FUT8: variants seen among roughly 807,000 people sequenced by gnomAD.
FUT8 encodes the protein fucosyltransferase 8.
In FUT8, 29 loss-of-function variants were observed where a neutral mutation model predicts 71.3. The ratio of observed to expected loss-of-function variants is 0.41; its 90% CI spans 0.30 to 0.55. The LOEUF is 0.55. Ranked by LOEUF, FUT8 falls within the 20% of genes least tolerant of loss-of-function variation. The pLI, the probability that FUT8 is intolerant of heterozygous loss-of-function variation, is 0.34. For missense variants in FUT8, 544 were observed against 702.1 expected (o/e 0.77, Z 2.55); for synonymous variants, 254 against 239.3 (o/e 1.06, Z -0.57).
intron 5 of FUT8, among the ~76,000 whole-genome samples, chr14:65,618,012 TA>T: frequency 4.3e-5 from 1 of 23,466 alleles, no homozygotes; most frequent in Non-Finnish European, 6.4e-5. Context: ...AATTAATTCA[TA>T]TATATATATA....
Position 65,702,386 on chromosome 14 carries a change from A to G in FUT8, c.836-19389A>G, listed in dbSNP as rs556180662. On this transcript the variant is annotated intron_variant, in intron 7 of 10. Transcript: ENST00000673929. ...GGGAACAAGAAAGTACCTCATCACA[A>G]CTTTGCGGATTAATTGAGATAATGC... Among the ~76,000 whole-genome samples the G allele has an allele frequency of 3.3e-5, 5 of 152,122 alleles. No homozygotes were observed. The South Asian group carries it at 1.0e-3, about 32-fold the overall frequency.
intron 2 of FUT8, among the ~76,000 whole-genome samples, chr14:65,517,625 G>A (rs147102644): frequency 1.3e-5 from 2 of 152,230 alleles, no homozygotes; most frequent in East Asian, 3.9e-4. Flanking sequence ...ATATCAACAT[G>A]GAAATTAGAT....
chr14:65,629,070 G>A (rs1270071120), intron 5 of FUT8, among the ~76,000 whole-genome samples: 1 of 152,156 alleles, frequency 6.6e-6, no homozygotes, highest in African/African-American at 2.4e-5. Flanking sequence ...GTCACTCAGA[G>A]TGTTTAAATA....
the FUT8 span, among the ~76,000 whole-genome samples, chr14:65,362,986 G>A: frequency 4.7e-5 from 6 of 128,100 alleles, no homozygotes; most frequent in Admixed American, 8.3e-5. Context: ...AAAAAAAAGA[G>A]AAGAAATTCT....
chr14:65,640,748 C>T (rs995359898), intron 6 of FUT8, among the ~76,000 whole-genome samples: 4 of 151,152 alleles, frequency 2.6e-5, no homozygotes, highest in African/African-American at 9.8e-5. Flanking sequence ...ACTAAGAGAA[C>T]TGATATATTA....
chr14:65,457,987 C>T (rs1256842320), intron 2 of FUT8: 1 of 151,946 alleles, frequency 6.6e-6, no homozygotes, highest in Admixed American at 6.6e-5. Flanking sequence ...TCGAGACCAT[C>T]CCGGCTAAAA....
chr14:65,464,986 A>G (rs1455646476), intron 2 of FUT8, among the ~76,000 whole-genome samples: 1 of 152,190 alleles, frequency 6.6e-6, no homozygotes, highest in African/African-American at 2.4e-5. Context: ...TTAATTATTT[A>G]TTCAGGTTTT....
intron 3 of FUT8, among the ~76,000 whole-genome samples, chr14:65,614,173 A>T (rs1176643185): frequency 6.6e-6 from 1 of 152,122 alleles, no homozygotes; most frequent in African/African-American, 2.4e-5. Context: ...TATAATTTAA[A>T]ACTTAAGTTC....
At chr14:65,513,559 T>C (rs377262061) in intron 2 of FUT8, among the ~76,000 whole-genome samples, 1 of 152,212 alleles carries the variant, frequency 6.6e-6, no homozygotes, top group African/African-American at 2.4e-5. Flanking sequence ...AACATAGATA[T>C]GATTTTCTCA....
At chr14:65,573,701 TC>T (rs1338373955) in intron 3 of FUT8, among the ~76,000 whole-genome samples, 1 of 148,170 alleles carries the variant, frequency 6.7e-6, no homozygotes, top group Non-Finnish European at 1.5e-5. Flanking sequence ...GCCACTGTAC[TC>T]CAGCCTGGGC....
chr14:65,368,929 G>T, the FUT8 span, among the ~76,000 whole-genome samples: 2 of 152,126 alleles, frequency 1.3e-5, no homozygotes, highest in African/African-American at 2.4e-5. Context: ...CAAAGTGTTG[G>T]GATTACAGGC....
intron 10 of FUT8, among the ~76,000 whole-genome samples, chr14:65,738,547 C>T (rs561275897): frequency 5.8e-4 from 88 of 152,186 alleles, no homozygotes; most frequent in Non-Finnish European, 5.7e-4. Context: ...TAAAGTTAAA[C>T]ATACTACATG....
At chr14:65,722,282 A>G (rs573942203) in intron 8 of FUT8, among the ~76,000 whole-genome samples, 2 of 151,382 alleles carry the variant, frequency 1.3e-5, no homozygotes, top group Admixed American at 6.6e-5. Flanking sequence ...CTCTTATCAC[A>G]GCTCTCTTTT....
At chr14:65,690,348 T>C (rs1157030254) in intron 7 of FUT8, among the ~76,000 whole-genome samples, 1 of 152,182 alleles carries the variant, frequency 6.6e-6, no homozygotes, top group Non-Finnish European at 1.5e-5. Context: ...TTCTTCAATG[T>C]TATATTAACT....
At chr14:65,516,133 C>T (rs556528428) in intron 2 of FUT8, 17 of 151,836 alleles carry the variant, frequency 1.1e-4, no homozygotes, top group African/African-American at 3.9e-4. Context: ...TTGTGAATAA[C>T]CACAGCATGG....
chr14:65,589,999 A>G (rs964768444), intron 3 of FUT8, among the ~76,000 whole-genome samples: 3 of 152,214 alleles, frequency 2.0e-5, no homozygotes, highest in South Asian at 2.1e-4. Context: ...AACATCTTCT[A>G]TTAGTTTCTT....
At chr14:65,698,269 G>A (rs957102182) in intron 7 of FUT8, among the ~76,000 whole-genome samples, 14 of 152,218 alleles carry the variant, frequency 9.2e-5, no homozygotes, top group South Asian at 8.3e-4. Flanking sequence ...ATTCTATAAT[G>A]TTTATCGAAA....
intron 7 of FUT8, among the ~76,000 whole-genome samples, chr14:65,683,753 A>T (rs1454505797): frequency 6.6e-6 from 1 of 152,156 alleles, no homozygotes; most frequent in Non-Finnish European, 1.5e-5. Context: ...AGGCATAAAG[A>T]TTCCCTGATT....
intron 1 of FUT8, among the ~76,000 whole-genome samples, chr14:65,432,357 T>C (rs1329838423): frequency 6.6e-6 from 1 of 151,848 alleles, no homozygotes; most frequent in Non-Finnish European, 1.5e-5. Context: ...CAAATTTGAA[T>C]TTTCTTTTCT....
Sources: gnomAD v4.1 joint callset for allele counts (sites outside exome capture counted in the v4.1 genomes callset) on GRCh38, gnomAD v4.1.1 for gene constraint, MANE v1.5 for transcripts, NCBI Gene and HGNC (gene_info 2026-07-23, HGNC 2026-07-21) for gene names.